DYNC2I2: variants seen among roughly 807,000 people sequenced by gnomAD.
DYNC2I2 encodes the protein dynein 2 intermediate chain 2, also known as cytoplasmic dynein 2 intermediate chain 2.
A neutral mutation model predicts 52.0 loss-of-function variants in DYNC2I2; 39 were observed. The ratio of observed to expected loss-of-function variants is 0.75; its 90% CI spans 0.58 to 0.98. The LOEUF (loss-of-function observed/expected upper bound fraction) is 0.98, where lower values mean the gene tolerates loss of function less well. Ranked by LOEUF, DYNC2I2 falls within the 50% of genes least tolerant of loss-of-function variation. The pLI, the probability that DYNC2I2 is intolerant of heterozygous loss-of-function variation, is 0.00. For synonymous variants in DYNC2I2, 359 were observed against 321.1 expected (o/e 1.12, Z -1.26); for missense variants, 743 against 728.4 (o/e 1.02, Z -0.23).
chr9:128,638,740 C>A (rs1860458860), intron 2 of DYNC2I2, among the ~76,000 whole-genome samples: 1 of 152,148 alleles, frequency 6.6e-6, no homozygotes, highest in African/African-American at 2.4e-5. Context: ...GACACCTGTA[C>A]ACCAATGTCC....
intron 1 of DYNC2I2, among the ~76,000 whole-genome samples, chr9:128,645,627 A>G (rs1010836417): frequency 1.7e-4 from 24 of 143,916 alleles, no homozygotes; most frequent in African/African-American, 6.9e-4. Flanking sequence ...AAAAAAAAAA[A>G]AAAAAAAAAA....
chr9:128,635,546 G>C, intron 5 of DYNC2I2, 112 bp downstream of exon 5: 1 of 998,556 alleles, frequency 1.0e-6, no homozygotes, highest in Non-Finnish European at 1.5e-6. Context: ...CTCCGAGAAT[G>C]CAGGAGGCAG....
At chr9:128,641,633 G>C (rs1436202386) in intron 1 of DYNC2I2, among the ~76,000 whole-genome samples, 2 of 152,140 alleles carry the variant, frequency 1.3e-5, no homozygotes, top group Non-Finnish European at 2.9e-5. Flanking sequence ...AGCAATCATG[G>C]TGATTGCTGC....
the DYNC2I2 span, among the ~76,000 whole-genome samples, chr9:128,673,804 C>CTT: frequency 5.6e-4 from 79 of 141,680 alleles, no homozygotes; most frequent in Admixed American, 1.6e-3. Flanking sequence ...CCGCACCCAG[C>CTT]TATTTTTTTT....
At chr9:128,648,284 G>GT (rs1303578428) in intron 1 of DYNC2I2, among the ~76,000 whole-genome samples, 3 of 151,986 alleles carry the variant, frequency 2.0e-5, no homozygotes, top group Non-Finnish European at 4.4e-5. Flanking sequence ...GCACACGCCT[G>GT]TAACTCCAGC....
chr9:128,665,740 G>A, the DYNC2I2 span, among the ~76,000 whole-genome samples: 1,039 of 143,228 alleles, frequency 7.3e-3, 13 homozygotes, highest in African/African-American at 0.026. Flanking sequence ...ACTATACTCC[G>A]GCCTGGGCGA....
At chr9:128,671,498 G>A in the DYNC2I2 span, among the ~76,000 whole-genome samples, 4 of 133,714 alleles carry the variant, frequency 3.0e-5, no homozygotes, top group Non-Finnish European at 6.2e-5. Context: ...TTTTTGAGAC[G>A]GAGTCTCACT....
At chr9:128,655,925 A>G (rs1263699611) in intron 1 of DYNC2I2, among the ~76,000 whole-genome samples, 1 of 145,116 alleles carries the variant, frequency 6.9e-6, no homozygotes, top group Non-Finnish European at 1.5e-5. Flanking sequence ...AAAAAAAAAA[A>G]GCCTGAACGC....
At chr9:128,635,952 C>T (rs1860400978) in intron 4 of DYNC2I2, 185 bp from the exon 5 acceptor site, 1 of 677,166 alleles carries the variant, frequency 1.5e-6, no homozygotes, top group Non-Finnish European at 2.6e-6. Context: ...CCCCAGGGAG[C>T]TTTGCCGGAC....
the DYNC2I2 span, among the ~76,000 whole-genome samples, chr9:128,666,213 T>C: frequency 2.0e-5 from 3 of 150,144 alleles, no homozygotes; most frequent in Non-Finnish European, 4.4e-5. Context: ...CCATCTCTAC[T>C]AAAAATACAA....
In DYNC2I2 at chr9:128,656,611, T is replaced by G. The variant is rs1000127877; in HGVS notation, c.116A>C (p.Gln39Pro). 6.7e-7 allele frequency: 1 copy of G among 1,495,470 alleles called. No individual in the cohort carries two copies. The highest frequency in any genetic ancestry group is 8.8e-7 in the Non-Finnish European group (1 of 1,130,300). The allele number at this position is 1,495,470 out of a possible 1,614,324, so 92.6% of individuals were successfully genotyped here. The change falls in exon 1 of 9, where the codon CAG (glutamine) becomes CCG (proline). Residue 39 changes from glutamine to proline, a missense_variant. By Grantham distance (76) the Gln-to-Pro change is moderately conservative (BLOSUM62 -1). Coordinates refer to ENST00000372715, the MANE Select transcript of DYNC2I2 (RefSeq NM_052844.4). ...GPGPGRPGPLQDETLGVASVP... is the reference protein window; with the variant it reads ...GPGPGRPGPLPDETLGVASVP... ...GGACGCCACACCCAGGGTCTCGTCC[T>G]GCAGCGGCCCTGGCCGCCCCGGCCC... is the stretch of plus-strand genomic sequence containing the variant.
chr9:128,664,083 G>A, the DYNC2I2 span, among the ~76,000 whole-genome samples: 3 of 149,458 alleles, frequency 2.0e-5, no homozygotes, highest in African/African-American at 2.5e-5. Context: ...TCAGCCTCCC[G>A]AATAGCTGGG....
chr9:128,674,441 G>C, the DYNC2I2 span, among the ~76,000 whole-genome samples: 1 of 148,244 alleles, frequency 6.7e-6, no homozygotes, highest in African/African-American at 2.5e-5. Flanking sequence ...GCCGTCTCTA[G>C]CTAATTTAAA....
the DYNC2I2 span, among the ~76,000 whole-genome samples, chr9:128,675,254 T>G: frequency 6.6e-6 from 1 of 152,092 alleles, no homozygotes; most frequent in Non-Finnish European, 1.5e-5. Flanking sequence ...CTCAGCTCAT[T>G]GCAACCTCCG....
At chr9:128,683,801 T>C in the DYNC2I2 span, 1 of 1,110,894 alleles carries the variant, frequency 9.0e-7, no homozygotes, top group Non-Finnish European at 1.3e-6. Flanking sequence ...CCAGTGCAGA[T>C]TTAAGCCGCT....
the DYNC2I2 span, among the ~76,000 whole-genome samples, chr9:128,670,884 A>G: frequency 1.3e-5 from 2 of 151,946 alleles, no homozygotes; most frequent in Non-Finnish European, 2.9e-5. Context: ...CCTGACCAAC[A>G]TGGTGAAACC....
chr9:128,635,850 A>ACAGGGCCAGGGC (rs1048367113), intron 4 of DYNC2I2, 83 bp from the exon 5 acceptor site: 9 of 1,340,600 alleles, frequency 6.7e-6, no homozygotes, highest in South Asian at 3.8e-5. Flanking sequence ...CAGCCCACCT[A>ACAGGGCCAGGGC]CAGGGCCAGG....
At chr9:128,667,605 C>G in the DYNC2I2 span, among the ~76,000 whole-genome samples, 1 of 150,404 alleles carries the variant, frequency 6.6e-6, no homozygotes, top group Admixed American at 6.7e-5. Context: ...CAGCCTCGCT[C>G]TGACACCAGG....
At chr9:128,657,527 G>A (rs1363684419), upstream of DYNC2I2, among the ~76,000 whole-genome samples, 1 of 152,108 alleles carries the variant, frequency 6.6e-6, no homozygotes, top group African/African-American at 2.4e-5. Flanking sequence ...AATAGGCCAG[G>A]TGCGGTGGCT....
Sources: allele counts gnomAD v4.1 joint callset (sites outside exome capture counted in the v4.1 genomes callset), GRCh38; gene constraint gnomAD v4.1.1; transcripts MANE v1.5; gene names NCBI Gene and HGNC (gene_info 2026-07-23, HGNC 2026-07-21).